Variants in LARGE2 observed in about 807,000 individuals in gnomAD.
LARGE2 encodes xylosyl- and glucuronyltransferase LARGE2.
LARGE2 carries 63 observed loss-of-function variants against 75.3 expected under a neutral mutation model. That is an observed-to-expected ratio of 0.84 (90% confidence interval 0.68 to 1.03). The LOEUF is 1.03. Among genes scored for constraint, LARGE2 ranks in the 50% least tolerant of loss-of-function variants. The pLI, the probability that LARGE2 is intolerant of heterozygous loss-of-function variation, is 0.00. For synonymous variants in LARGE2, 428 were observed against 420.1 expected (o/e 1.02, Z -0.23); for missense variants, 925 against 980.6 (o/e 0.94, Z 0.76).
Position 45,928,258 on chromosome 11 carries a change from G to A in LARGE2, c.1836G>A (p.Trp612Ter), listed in dbSNP as rs1162317700. Residue 612 changes from tryptophan to a stop codon, truncating the protein, a stop_gained, in exon 13 of 14, where the codon TGG (tryptophan) becomes TGA (stop). Transcript: ENST00000401752. LOFTEE classifies it high-confidence loss of function. Reference protein sequence around the residue: ...REAQAPYRVQWAANYEPYVVV... With the variant: ...REAQAPYRVQ ...CTCAGGCCCCGTACCGTGTGCAATG[G>A]GCGGCCAACTATGAACCCTACGTGG... 6.2e-7 allele frequency: 1 copy of A among 1,614,054 alleles called. No homozygotes were observed. The highest frequency in any genetic ancestry group is 1.7e-5 in the Admixed American group (1 of 60,022).
rs1295301239 is a variant in LARGE2 at position 45,926,326 on chromosome 11, CTCTGAGGCG to C, written c.993_1001del (p.Glu331_Ser333del). ...ATCACACACTGGCCGAGCGCTGCTACTCTGAGGCGTCTGACCTCAAGGTGAGTGGGACAA... is the reference window on the plus strand; with the variant it reads ...ATCACACACTGGCCGAGCGCTGCTACTCTGACCTCAAGGTGAGTGGGACAA... On this transcript the variant is annotated inframe_deletion, in exon 8 of 14. Transcript: ENST00000401752. 1 of 1,614,076 alleles carries C rather than the reference CTCTGAGGCG, an allele frequency of 6.2e-7. No individual in the cohort carries two copies. The highest frequency in any genetic ancestry group is 8.5e-7 in the Non-Finnish European group (1 of 1,180,044).
Position 45,924,575 on chromosome 11 carries a change from A to G in LARGE2, c.562A>G (p.Ser188Gly), listed in dbSNP as rs2087068349. ...TGGGCTAATGAAGCTGGTGCTGCCC[A>G]GTGCCTTGCCTGCTGAGCTGGCCCG... ...LYGLMKLVLPSALPAELARVI... is the reference protein window; with the variant it reads ...LYGLMKLVLPGALPAELARVI... The change falls in exon 5 of 14, where the codon AGT becomes GGT. Residue 188 changes from serine (S) to glycine (G), a missense_variant. Physicochemically the swap from Ser to Gly is moderately conservative, Grantham distance 56. Transcript: ENST00000401752. 6.2e-7 allele frequency: 1 copy of G among 1,613,876 alleles called. No individual in the cohort carries two copies. Among genetic ancestry groups the G allele is most frequent in the South Asian group, 1.1e-5 (1 of 91,066 alleles).
At chr11:45,925,203 C>T (rs747012060) in intron 6 of LARGE2, among the ~76,000 whole-genome samples, 10 of 152,144 alleles carry the variant, frequency 6.6e-5, no homozygotes, top group South Asian at 2.1e-4. Context: ...TCTTCACCCC[C>T]GAGGATTGAC....
At chr11:45,927,054 C>T (rs1038084591) in intron 10 of LARGE2, among the ~76,000 whole-genome samples, 183 bp downstream of exon 10, 6 of 152,192 alleles carry the variant, frequency 3.9e-5, no homozygotes, top group Non-Finnish European at 5.9e-5. Flanking sequence ...TTCAGATGCC[C>T]GGAGCTGCCC....
rs900756151 is a variant in LARGE2, at chr11:45,922,965, G to C, written c.83G>C (p.Gly28Ala). The change falls in exon 2 of 14, where the codon GGT becomes GCT. Residue 28 changes from glycine to alanine, a missense_variant. Transcript: ENST00000401752. The part of the protein sequence containing the change: ...LLLLLGFLLF[G>A]GDLGCERREP... Reference sequence around the variant, plus strand: ...CTGCTGCTCGGATTCCTCCTGTTCGGTGGGGACCTGGGGTGTGAGCGCCGC... The same window carrying C: ...CTGCTGCTCGGATTCCTCCTGTTCGCTGGGGACCTGGGGTGTGAGCGCCGC... 5 of 1,315,912 alleles carry C rather than the reference G, an allele frequency of 3.8e-6. No homozygotes were observed. The highest frequency in any genetic ancestry group is 4.8e-6 in the Non-Finnish European group (5 of 1,038,406). The allele number at this position is 1,315,912 out of a possible 1,614,324, so 81.5% of individuals were successfully genotyped here. A position where few individuals can be genotyped will look rare whatever the true frequency, so the allele number is the denominator to read the frequency against.
rs754856822 is a variant in LARGE2 at position 45,928,893 on chromosome 11, G to A, written c.*48G>A. ...ATCTTAGCATTGGGCAGACACCAGG[G>A]CAACCTGCCCTCCGCCATCCCTGCT... On this transcript the variant is annotated 3_prime_UTR_variant, in exon 14 of 14. Coordinates refer to ENST00000401752, the MANE Select transcript of LARGE2 (RefSeq NM_001300721.2). 6 of 1,606,260 alleles carry A rather than the reference G, an allele frequency of 3.7e-6. No individual in the cohort carries two copies. Among genetic ancestry groups the A allele is most frequent in the Middle Eastern group, 1.7e-4 (1 of 6,052 alleles).
rs765248336 is a variant in LARGE2 at position 45,923,173 on chromosome 11, TG to T, written c.285+7del. On this transcript the variant is annotated splice_region_variant and intron_variant, in intron 2 of 13. Transcript: ENST00000401752. The stretch of plus-strand genomic sequence containing the variant: ...CGCCGCCGCCCAAGTGCGAGGTAGG[TG>T]CGCGCGGCCCTGGCGGCGGGAGTCC... 5.3e-5 allele frequency: 70 copies of T among 1,332,182 alleles called. No homozygotes were observed. The highest frequency in any genetic ancestry group is 6.7e-5 in the Non-Finnish European group (70 of 1,050,198). 82.5% of individuals were successfully genotyped at this position (1,332,182 alleles called of 1,614,324 possible). A position where few individuals can be genotyped will look rare whatever the true frequency, so the allele number is the denominator to read the frequency against.
At chr11:45,925,770 G>T (rs1460677609) in intron 6 of LARGE2, among the ~76,000 whole-genome samples, 1 of 152,154 alleles carries the variant, frequency 6.6e-6, no homozygotes, top group East Asian at 1.9e-4. Flanking sequence ...GCTGAGGTGG[G>T]AGGTTTGCTT....
At position 45,928,855 on chromosome 11, in the gene LARGE2, G is replaced by T. The variant is rs528613492; in HGVS notation, c.*10G>T. ...CCCTGCCCGAGGCTGAGGCTGGGCC[G>T]GCGCTGCCCCTCATCTTAGCATTGG... On this transcript the variant is annotated 3_prime_UTR_variant, in exon 14 of 14. Transcript: ENST00000401752. The T allele has an allele frequency of 6.2e-7, 1 of 1,612,618 alleles. No individual in the cohort carries two copies. Among genetic ancestry groups the T allele is most frequent in the Non-Finnish European group, 8.5e-7 (1 of 1,179,710 alleles).
In LARGE2 at chr11:45,926,740, G is replaced by A; in HGVS notation, c.1194G>A (p.Glu398=). Residue 398 remains glutamate, a synonymous_variant, in exon 10 of 14, where the codon GAG becomes GAA. Transcript: ENST00000401752. ...QLQQALAQLD[E]EDPCFEFRQQ... ...AGCAGGCCCTGGCACAACTGGACGA[G>A]GAAGACCCCTGCTTTGAGTTCCGGC... 2 of 1,613,712 alleles carry A rather than the reference G, an allele frequency of 1.2e-6. No homozygotes were observed. The highest frequency in any genetic ancestry group is 1.7e-6 in the Non-Finnish European group (2 of 1,179,966).
In LARGE2 at chr11:45,926,882, A is replaced by G; in HGVS notation, c.1325+11A>G. On this transcript the variant is annotated intron_variant, in intron 10 of 13. Transcript: ENST00000401752. ...GCTGTCCATGGACCGGTGAGGGTGCAGAGGGCAGCCCAGGGGGTATGGCAT... is the reference window on the plus strand; with the variant it reads ...GCTGTCCATGGACCGGTGAGGGTGCGGAGGGCAGCCCAGGGGGTATGGCAT... The G allele has an allele frequency of 3.1e-6, 5 of 1,605,016 alleles. No individual in the cohort carries two copies. The highest frequency in any genetic ancestry group is 4.2e-6 in the Non-Finnish European group (5 of 1,176,636).
At position 45,924,506 on chromosome 11, in the gene LARGE2, C is replaced by T. The variant is rs775261700; in HGVS notation, c.493C>T (p.Pro165Ser). The part of the protein sequence containing the change: ...VSFYHADQLK[P>S]QVSWIPNKHY... ...CATCTCCTGCCTTTCCCCCACACAGCCCCAGGTCTCCTGGATCCCCAACAA... is the reference window on the plus strand; with the variant it reads ...CATCTCCTGCCTTTCCCCCACACAGTCCCAGGTCTCCTGGATCCCCAACAA... The change falls in exon 5 of 14, where the codon CCC becomes TCC. Residue 165 changes from proline to serine, a missense_variant and splice_region_variant. Physicochemically the swap from Pro to Ser is moderately conservative, Grantham distance 74. Transcript: ENST00000401752. The T allele has an allele frequency of 2.0e-5, 33 of 1,611,428 alleles. No individual in the cohort carries two copies. The African/African-American group carries it at 4.0e-4, about 20-fold the overall frequency.
intron 13 of LARGE2, 124 bp from the exon 14 acceptor site, chr11:45,928,506 A>G: frequency 6.5e-7 from 1 of 1,530,346 alleles, no homozygotes; most frequent in Non-Finnish European, 8.8e-7. Context: ...GAATTAAAAT[A>G]ATCTGCCCTT....
chr11:45,923,438 G>GC (rs746568184), intron 2 of LARGE2, 35 bp from the exon 3 acceptor site: 20 of 1,503,232 alleles, frequency 1.3e-5, no homozygotes, highest in South Asian at 2.3e-5. Flanking sequence ...TAGCGGAGAA[G>GC]GGGGGCTGCT....
intron 10 of LARGE2, 124 bp downstream of exon 10, chr11:45,926,995 G>C: frequency 9.5e-7 from 1 of 1,057,054 alleles, no homozygotes; most frequent in African/African-American, 1.6e-5. Context: ...GGGAGTTCCA[G>C]AAGTTGGAGA....
intron 11 of LARGE2, 52 bp from the exon 12 acceptor site, chr11:45,927,868 C>T (rs753157849): frequency 1.2e-5 from 20 of 1,608,694 alleles, no homozygotes; most frequent in Middle Eastern, 1.6e-4. Flanking sequence ...TGTCACTGGC[C>T]CAGTCCTAGA....
rs1346095194 is a variant in LARGE2 at position 45,924,661 on chromosome 11, C to G, written c.648C>G (p.Leu216=). The part of the protein sequence containing the change: ...FASDISELWA[L]FAHFSDTQAI... The stretch of plus-strand genomic sequence containing the variant: ...CTGACATCTCGGAGCTCTGGGCCCT[C>G]TTTGCTCACTTTTCTGGTGAGAGGC... Residue 216 remains leucine, a synonymous_variant, in exon 5 of 14, where the codon CTC becomes CTG. Transcript: ENST00000401752. 2 of 1,612,568 alleles carry G rather than the reference C, an allele frequency of 1.2e-6. No individual in the cohort carries two copies. Among genetic ancestry groups the G allele is most frequent in the Non-Finnish European group, 1.7e-6 (2 of 1,179,282 alleles).
At position 45,924,612 on chromosome 11, in the gene LARGE2, T is replaced by G; in HGVS notation, c.599T>G (p.Leu200Arg). Reference sequence around the variant, plus strand: ...GCTGAGCTGGCCCGCGTCATTGTCCTGGACACGGATGTCACCTTCGCCTCT... The same window carrying G: ...GCTGAGCTGGCCCGCGTCATTGTCCGGGACACGGATGTCACCTTCGCCTCT... ...LPAELARVIV[L>R]DTDVTFASDI... Residue 200 changes from leucine (L) to arginine (R), a missense_variant, in exon 5 of 14, where the codon CTG (leucine) becomes CGG (arginine). Physicochemically the swap from Leu to Arg is moderately radical, Grantham distance 102. This residue lies in a region of LARGE2 where 453 missense variants were observed against 460.2 expected (regional missense o/e 0.98). Transcript: ENST00000401752. The G allele has an allele frequency of 6.2e-7, 1 of 1,614,158 alleles. No individual in the cohort carries two copies. Among genetic ancestry groups the G allele is most frequent in the Non-Finnish European group, 8.5e-7 (1 of 1,180,022 alleles).
rs752379473 is a variant in LARGE2 at position 45,927,343 on chromosome 11, C to T, written c.1354C>T (p.His452Tyr). 4 of 1,613,644 alleles carry T rather than the reference C, an allele frequency of 2.5e-6. No individual in the cohort carries two copies. The South Asian group carries it at 4.4e-5, about 18-fold the overall frequency. Residue 452 changes from histidine (H) to tyrosine (Y), a missense_variant, in exon 11 of 14, where the codon CAC becomes TAC. Coordinates refer to ENST00000401752, the MANE Select transcript of LARGE2 (RefSeq NM_001300721.2). ...RLQMLEALCR[H>Y]WPGPMSLALY... ...GCAGATGTTGGAAGCCCTGTGCAGG[C>T]ACTGGCCTGGCCCCATGAGCCTGGC...
Sources: gnomAD v4.1 joint callset for allele counts (sites outside exome capture counted in the v4.1 genomes callset) on GRCh38, gnomAD v4.1.1 for gene constraint, gnomAD v4.1.1 regional missense constraint, MANE v1.5 for transcripts, NCBI Gene and HGNC (gene_info 2026-07-23, HGNC 2026-07-21) for gene names.